The following PDS5B variants were observed in gnomAD, a reference collection of about 807,000 sequenced individuals.
The protein encoded by PDS5B is PDS5 cohesin associated factor B.
Under a neutral mutation model 184.1 loss-of-function variants are expected in PDS5B, and 51 were observed. That is an observed-to-expected ratio of 0.28 (90% confidence interval 0.22 to 0.35). The LOEUF (loss-of-function observed/expected upper bound fraction) is 0.35. PDS5B is among the 10% of genes least tolerant of loss of function. The pLI is 1.00. For missense variants in PDS5B, 1,180 were observed against 1,723.3 expected (o/e 0.68, Z 5.58); for synonymous variants, 566 against 569.2 (o/e 0.99, Z 0.08).
At position 32,725,961 on chromosome 13, in the gene PDS5B, A is replaced by G. The variant is rs76410160; in HGVS notation, c.2124-6140A>G. ...TAATTCTTTGGGTGGTTATGCTAGC[A>G]CATGGATACATACCCTTGTTCATTT... On this transcript the variant is annotated intron_variant, in intron 19 of 34. Transcript: ENST00000315596. Among the ~76,000 whole-genome samples the G allele has an allele frequency of 4.2e-3, 633 of 152,288 alleles. 6 individuals carry two copies. Among genetic ancestry groups the G allele is most frequent in the African/African-American group, 0.014 (601 of 41,572 alleles).
In PDS5B at chr13:32,710,366, A is replaced by T. The variant is rs577291216; in HGVS notation, c.2123+260A>T. On this transcript the variant is annotated intron_variant, in intron 19 of 34. Transcript: ENST00000315596. ...AGTCCCTGGTATATTATGGCATAGA[A>T]TAAACAATTCATATGAATTTAAGGT... Among the ~76,000 whole-genome samples, 153 of 152,314 alleles carry T rather than the reference A, an allele frequency of 1.0e-3. 1 individual carries two copies. Among genetic ancestry groups the T allele is most frequent in the Non-Finnish European group, 1.1e-3 (77 of 68,014 alleles).
intron 17 of PDS5B, among the ~76,000 whole-genome samples, chr13:32,703,163 G>A (rs898453773): frequency 2.0e-5 from 3 of 152,044 alleles, no homozygotes; most frequent in East Asian, 1.9e-4. Context: ...AAAAATCAAG[G>A]CCTATCAAGT....
At chr13:32,684,364 T>G (rs1199202844) in intron 11 of PDS5B, among the ~76,000 whole-genome samples, 1 of 152,228 alleles carries the variant, frequency 6.6e-6, no homozygotes, top group Non-Finnish European at 1.5e-5. Flanking sequence ...TTTTTCTTTC[T>G]TCTTTCAGGG....
At chr13:32,616,059 C>CTT (rs1018388752) in intron 1 of PDS5B, among the ~76,000 whole-genome samples, 2 of 145,556 alleles carry the variant, frequency 1.4e-5, no homozygotes, top group Non-Finnish European at 3.0e-5. Context: ...CTCTCTCTCT[C>CTT]TTTTTTTTTT....
intron 1 of PDS5B, among the ~76,000 whole-genome samples, chr13:32,587,934 G>A (rs2140451557): frequency 6.6e-6 from 1 of 152,242 alleles, no homozygotes; most frequent in East Asian, 1.9e-4. Flanking sequence ...AAAAACTCAA[G>A]TTGTGTTTAC....
chr13:32,694,065 C>A (rs550557748), intron 13 of PDS5B, among the ~76,000 whole-genome samples, 158 bp from the exon 14 acceptor site: 15 of 151,924 alleles, frequency 9.9e-5, no homozygotes, highest in African/African-American at 3.6e-4. Context: ...TGATTCCATT[C>A]TTTCCCTCTA....
At chr13:32,648,721 T>G in intron 1 of PDS5B, 33 bp from the exon 2 acceptor site, 1 of 829,038 alleles carries the variant, frequency 1.2e-6, no homozygotes, top group East Asian at 2.4e-5. Context: ...ATATCTATTT[T>G]TTGGTTTGCA....
chr13:32,737,422 T>G (rs1367935722), intron 21 of PDS5B, among the ~76,000 whole-genome samples: 1 of 152,180 alleles, frequency 6.6e-6, no homozygotes, highest in African/African-American at 2.4e-5. Context: ...CTTCTAGCTC[T>G]GTGACAGGAA....
chr13:32,612,050 CTTT>C (rs569721012), intron 1 of PDS5B, among the ~76,000 whole-genome samples: 1 of 145,342 alleles, frequency 6.9e-6, no homozygotes, highest in South Asian at 2.2e-4. Flanking sequence ...GACTGTGCAT[CTTT>C]TTTTTTTTTC....
chr13:32,692,716 G>A (rs187687282), intron 13 of PDS5B, among the ~76,000 whole-genome samples: 1 of 151,926 alleles, frequency 6.6e-6, no homozygotes, highest in East Asian at 1.9e-4. Context: ...ATTAAATAGA[G>A]ATTTTTCCTA....
intron 19 of PDS5B, among the ~76,000 whole-genome samples, chr13:32,713,890 T>C (rs1952283928): frequency 6.6e-6 from 1 of 152,246 alleles, no homozygotes; most frequent in South Asian, 2.1e-4. Flanking sequence ...AAACTAGTTA[T>C]ATCGGGGAAC....
intron 31 of PDS5B, among the ~76,000 whole-genome samples, chr13:32,768,946 A>G (rs9591315): frequency 8.9e-6 from 1 of 111,826 alleles, no homozygotes; most frequent in African/African-American, 3.6e-5. Context: ...CTAAAAAAAT[A>G]CAAAAAAAAA....
chr13:32,721,368 G>T (rs1593515117), intron 19 of PDS5B, among the ~76,000 whole-genome samples: 1 of 151,896 alleles, frequency 6.6e-6, no homozygotes, highest in Non-Finnish European at 1.5e-5. Flanking sequence ...CCTCCCAGAC[G>T]GGGTGGCTGC....
chr13:32,699,913 T>A (rs776915741), intron 16 of PDS5B, 44 bp downstream of exon 16: 5 of 1,492,542 alleles, frequency 3.3e-6, no homozygotes, highest in Non-Finnish European at 4.4e-6. Flanking sequence ...CCCCCAAATC[T>A]TCTTTATTGT....
chr13:32,752,346 T>C (rs1277785767), intron 24 of PDS5B, among the ~76,000 whole-genome samples: 2 of 152,160 alleles, frequency 1.3e-5, no homozygotes, highest in African/African-American at 2.4e-5. Flanking sequence ...TTTGGTACTA[T>C]CCTCAGTTTC....
At chr13:32,658,567 AAGG>A (rs1221981516) in intron 5 of PDS5B, 36 bp downstream of exon 5, 1 of 1,106,058 alleles carries the variant, frequency 9.0e-7, no homozygotes, top group Admixed American at 2.4e-5. Flanking sequence ...ACATTAAAAA[AAGG>A]TAACAAATTT....
intron 19 of PDS5B, among the ~76,000 whole-genome samples, chr13:32,722,163 C>T (rs996964195): frequency 4.6e-5 from 7 of 152,210 alleles, no homozygotes; most frequent in Admixed American, 1.3e-4. Flanking sequence ...GAGACCAGCC[C>T]AGCCAACACG....
At chr13:32,602,239 C>T (rs1210057932) in intron 1 of PDS5B, among the ~76,000 whole-genome samples, 2 of 152,048 alleles carry the variant, frequency 1.3e-5, no homozygotes, top group African/African-American at 4.8e-5. Flanking sequence ...CTATCCCTCT[C>T]CCCTCCCTTC....
Position 32,675,918 on chromosome 13 carries a change from G to A in PDS5B, c.921G>A (p.Leu307=). Residue 307 remains leucine (L), a synonymous_variant, in exon 9 of 35, where the codon TTG becomes TTA. Coordinates refer to ENST00000315596, the MANE Select transcript of PDS5B (RefSeq NM_015032.4). The part of the protein sequence containing the change: ...AKMFGAKDSE[L]ASQNKPLWQC... The stretch of plus-strand genomic sequence containing the variant: ...TGTTTGGGGCAAAGGATTCAGAATT[G>A]GCTTCTCAAAACAAGCCACTTTGGC... The A allele has an allele frequency of 6.2e-7, 1 of 1,613,794 alleles. No individual in the cohort carries two copies. Among genetic ancestry groups the A allele is most frequent in the Non-Finnish European group, 8.5e-7 (1 of 1,179,790 alleles).
Sources: allele counts gnomAD v4.1 joint callset (sites outside exome capture counted in the v4.1 genomes callset), GRCh38; gene constraint gnomAD v4.1.1; transcripts MANE v1.5; gene names NCBI Gene and HGNC (gene_info 2026-07-23, HGNC 2026-07-21).